The following NHSL2 variants were observed in gnomAD, a reference collection of about 807,000 sequenced individuals.
NHSL2 encodes NHS like 2.
A neutral mutation model predicts 53.4 loss-of-function variants in NHSL2; 27 were observed. The observed-to-expected ratio is 0.51, with a 90% confidence interval of 0.37 to 0.70. The LOEUF (loss-of-function observed/expected upper bound fraction) is 0.70. Among genes scored for constraint, NHSL2 ranks in the 30% least tolerant of loss-of-function variants. NHSL2 has a pLI of 0.00. For missense variants in NHSL2, 892 were observed against 980.1 expected, an observed-to-expected ratio of 0.91 and a Z score of 1.20; for synonymous variants, 408 against 404.1, an observed-to-expected ratio of 1.01 and a Z score of -0.12.
At chrX:71,964,059 G>A (rs867509737) in intron 1 of NHSL2, among the ~76,000 whole-genome samples, 16 of 72,430 alleles carry the variant, frequency 2.2e-4, no homozygotes, top group South Asian at 6.8e-4. Context: ...ATATATATGT[G>A]TATATATATA....
intron 1 of NHSL2, among the ~76,000 whole-genome samples, chrX:72,073,718 G>C (rs747369723): frequency 8.9e-6 from 1 of 112,478 alleles, no homozygotes; most frequent in African/African-American, 3.2e-5. Context: ...GGAAGTTGTA[G>C]AGCCAGGATT....
chrX:72,011,485 C>T (rs764053784), intron 1 of NHSL2, among the ~76,000 whole-genome samples: 14 of 111,903 alleles, frequency 1.3e-4, no homozygotes, highest in Non-Finnish European at 2.4e-4. Flanking sequence ...TCGTGGCCAA[C>T]ACGGTGAAAC....
At chrX:72,141,013 A>C in intron 6 of NHSL2, 1 of 323,760 alleles carries the variant, frequency 3.1e-6, no homozygotes, top group Non-Finnish European at 5.6e-6. Context: ...TCCCCTCTAA[A>C]TCTCTAGTGC....
intron 1 of NHSL2, among the ~76,000 whole-genome samples, chrX:72,058,803 C>G (rs1343380121): frequency 8.9e-6 from 1 of 112,369 alleles, no homozygotes; most frequent in Non-Finnish European, 1.9e-5. Flanking sequence ...TGGACACTGT[C>G]TTTGTCCATC....
At chrX:72,129,686 TG>T in intron 1 of NHSL2, 1 of 594,294 alleles carries the variant, frequency 1.7e-6, no homozygotes, top group Non-Finnish European at 2.6e-6. Context: ...CAAGATGGTC[TG>T]GAATTCTGCA....
At chrX:71,951,628 T>G in intron 1 of NHSL2, among the ~76,000 whole-genome samples, 1 of 112,723 alleles carries the variant, frequency 8.9e-6, no homozygotes, top group South Asian at 3.7e-4. Context: ...GTTGAGCCTC[T>G]TTTCATGTGG....
At chrX:72,025,629 A>G (rs1323942603) in intron 1 of NHSL2, among the ~76,000 whole-genome samples, 1 of 112,514 alleles carries the variant, frequency 8.9e-6, no homozygotes, top group Admixed American at 9.4e-5. Context: ...CAGCCCTTAA[A>G]TGGAGTTCCC....
intron 1 of NHSL2, among the ~76,000 whole-genome samples, chrX:72,054,601 C>A (rs1298837312): frequency 8.9e-6 from 1 of 112,066 alleles, no homozygotes; most frequent in African/African-American, 3.3e-5. Flanking sequence ...CTGCAAATAT[C>A]TTTTTCTTTC....
In NHSL2 at chrX:72,140,745, A is replaced by G. The variant is rs760983167; in HGVS notation, c.3197A>G (p.Asp1066Gly). ...GQRVTSTPQA[D>G]SEREASPLGS... ...AGGGTGACTTCAACTCCTCAGGCTG[A>G]CAGTGAAAGGGAGGCAAGCCCTCTG... The change falls in exon 6 of 8, where the codon GAC becomes GGC. Residue 1066 changes from aspartate (D) to glycine (G), a missense_variant. Transcript: ENST00000633930. The G allele has an allele frequency of 4.2e-6, 5 of 1,187,127 alleles. No homozygotes were observed. The Admixed American group carries it at 1.2e-4, about 28-fold the overall frequency.
At chrX:72,005,312 G>C (rs919414587) in intron 1 of NHSL2, among the ~76,000 whole-genome samples, 1 of 112,011 alleles carries the variant, frequency 8.9e-6, no homozygotes, top group Admixed American at 9.4e-5. Context: ...CTCATGTGCA[G>C]TGCACTCTGC....
rs140724313 is a variant in NHSL2 at position 72,040,479 on chromosome X, G to A, written c.281-91600G>A. 3.8e-3 allele frequency among the ~76,000 whole-genome samples: 428 copies of A among 112,155 alleles called. 2 individuals are homozygous for A. The highest frequency in any genetic ancestry group is 0.028 in the South Asian group (75 of 2,713). On this transcript the variant is annotated intron_variant, in intron 1 of 7. Transcript: ENST00000633930. ...TCAAGTTTGGACATTGAACCTCAGA[G>A]AGGTTAAGTTACTTGCCCTGGATCC...
chrX:71,944,933 A>AAG (rs1038769152), intron 1 of NHSL2, among the ~76,000 whole-genome samples: 2 of 112,308 alleles, frequency 1.8e-5, no homozygotes, highest in Admixed American at 9.4e-5. Flanking sequence ...AGGAACTCTG[A>AAG]TGGTACAAAA....
rs2042434071 is a variant in NHSL2, at chrX:72,143,288, G to A, written c.3392G>A (p.Gly1131Asp). Residue 1131 changes from glycine (G) to aspartate (D), a missense_variant, in exon 8 of 8, where the codon GGT becomes GAT. Gly to Asp is a moderately conservative substitution (Grantham distance 94). Coordinates refer to ENST00000633930, the MANE Select transcript of NHSL2 (RefSeq NM_001013627.3). ...KRKLLGWKEP[G>D]EAFVGGRTSS... ...AAGCTGCTCGGCTGGAAGGAACCTG[G>A]TGAGGCCTTTGTGGGTGGCAGAACG... 8.6e-7 allele frequency: 1 copy of A among 1,165,563 alleles called. No individual in the cohort carries two copies.
chrX:71,969,319 C>CTT lies in NHSL2; in HGVS notation c.280+57964_280+57965dup, dbSNP rs760980869. ...TTTTCTTTTTTTCTTTTTTTTTTTT[C>CTT]TTTTTTTTTTTTTGAGACAGTCTCG... On this transcript the variant is annotated intron_variant, in intron 1 of 7. Coordinates refer to ENST00000633930, the MANE Select transcript of NHSL2 (RefSeq NM_001013627.3). Among the ~76,000 whole-genome samples the CTT allele has an allele frequency of 1.2e-3, 73 of 60,876 alleles. No individual in the cohort carries two copies. The East Asian group carries it at 0.017, about 14-fold the overall frequency. The allele number at this position is 60,876 out of a possible 115,157, so 52.9% of individuals were successfully genotyped here.
At chrX:72,068,790 G>A (rs2042447554) in intron 1 of NHSL2, among the ~76,000 whole-genome samples, 1 of 111,975 alleles carries the variant, frequency 8.9e-6, no homozygotes, top group Non-Finnish European at 1.9e-5. Context: ...TGGGCTGCCA[G>A]CTCTGCCCTC....
intron 1 of NHSL2, among the ~76,000 whole-genome samples, chrX:72,052,448 G>T (rs183245680): frequency 8.9e-6 from 1 of 112,696 alleles, no homozygotes; most frequent in East Asian, 2.8e-4. Flanking sequence ...GTGCCAAGAG[G>T]CCAGGAGCCT....
chrX:72,137,658 A>G (rs934891394), intron 5 of NHSL2, among the ~76,000 whole-genome samples: 12 of 111,314 alleles, frequency 1.1e-4, no homozygotes, highest in African/African-American at 3.9e-4. Context: ...TGGCCAAGTG[A>G]CATAACCTCT....
intron 1 of NHSL2, among the ~76,000 whole-genome samples, chrX:72,111,596 GTAAAT>G (rs1311368466): frequency 8.9e-6 from 1 of 111,759 alleles, no homozygotes; most frequent in Non-Finnish European, 1.9e-5. Context: ...TAAGTATAAG[GTAAAT>G]TAAAGAATTG....
intron 1 of NHSL2, among the ~76,000 whole-genome samples, chrX:71,986,450 A>G (rs2042003279): frequency 1.8e-5 from 2 of 112,278 alleles, no homozygotes; most frequent in African/African-American, 3.2e-5. Flanking sequence ...CATGAGGCCA[A>G]TTGAATCTTG....
Sources: allele counts gnomAD v4.1 joint callset (sites outside exome capture counted in the v4.1 genomes callset), GRCh38; gene constraint gnomAD v4.1.1; transcripts MANE v1.5; gene names NCBI Gene and HGNC (gene_info 2026-07-23, HGNC 2026-07-21).